GPR143: variants seen among roughly 807,000 people sequenced by gnomAD.
The protein encoded by GPR143 is G protein-coupled receptor 143.
In GPR143, 8 loss-of-function variants were observed where a neutral mutation model predicts 27.6. The ratio of observed to expected loss-of-function variants is 0.29; its 90% CI spans 0.17 to 0.52. GPR143 has a LOEUF of 0.52. Ranked by LOEUF, GPR143 falls within the 20% of genes least tolerant of loss-of-function variation. The pLI, the probability that GPR143 is intolerant of heterozygous loss-of-function variation, is 0.96. For missense variants in GPR143, 303 were observed against 343.1 expected (o/e 0.88, Z 0.92); for synonymous variants, 156 against 153.2 (o/e 1.02, Z -0.13).
At chrX:9,765,862 G>T, upstream of GPR143, 1 of 1,025,098 alleles carries the variant, frequency 9.8e-7, no homozygotes. Context: ...GGACCCCGCC[G>T]GCCTGCCTGG....
chrX:9,756,487 G>A (rs1435199231), intron 3 of GPR143, among the ~76,000 whole-genome samples: 1 of 112,276 alleles, frequency 8.9e-6, no homozygotes, highest in African/African-American at 3.2e-5. Flanking sequence ...TGTGAATCAC[G>A]TATGTAATAT....
At chrX:9,743,795 G>C in intron 5 of GPR143, 122 bp from the exon 6 acceptor site, 1 of 534,250 alleles carries the variant, frequency 1.9e-6, no homozygotes, top group East Asian at 3.4e-5. Flanking sequence ...AGCAAAGCAA[G>C]TCACTGACAT....
intron 5 of GPR143, 74 bp from the exon 6 acceptor site, chrX:9,743,747 G>A: frequency 1.5e-6 from 1 of 648,679 alleles, no homozygotes. Context: ...GGCAATGGAA[G>A]CAGGTGTGAG....
Position 9,765,756 on chromosome X carries a change from A to G in GPR143, c.62T>C (p.Val21Ala). 1 of 1,124,748 alleles carries G rather than the reference A, an allele frequency of 8.9e-7. No individual in the cohort carries two copies. Among genetic ancestry groups the G allele is most frequent in the Non-Finnish European group, 1.2e-6 (1 of 857,224 alleles). The allele number at this position is 1,124,748 out of a possible 1,213,427, so 92.7% of individuals were successfully genotyped here. The change falls in exon 1 of 9, where the codon GTG becomes GCG. Residue 21 changes from valine to alanine, a missense_variant. Val to Ala is a moderately conservative substitution (Grantham distance 64, BLOSUM62 0). Transcript: ENST00000467482. Reference protein sequence around the residue: ...CPTRDAATQLVLSFQPRAFHA... With the variant: ...CPTRDAATQLALSFQPRAFHA... ...GAAGGCCCGCGGCTGGAAGCTCAGC[A>G]CGAGCTGCGTGGCTGCGTCCCGCGT...
Position 9,765,820 on chromosome X carries a change from G to A in GPR143, c.-3C>T, listed in dbSNP as rs1219690678. 10 of 1,101,941 alleles carry A rather than the reference G, an allele frequency of 9.1e-6. No homozygotes were observed. The highest frequency in any genetic ancestry group is 1.2e-5 in the Non-Finnish European group (10 of 844,957). The allele number at this position is 1,101,941 out of a possible 1,213,427, so 90.8% of individuals were successfully genotyped here. On this transcript the variant is annotated 5_prime_UTR_variant, in exon 1 of 9. Transcript: ENST00000467482. Reference sequence around the variant, plus strand: ...GTCCCTAGGCGCGGGGAGGCCATGGGCTGTGTTCGCGGACGCGGCTCGGGT... The same window carrying A: ...GTCCCTAGGCGCGGGGAGGCCATGGACTGTGTTCGCGGACGCGGCTCGGGT...
intron 1 of GPR143, among the ~76,000 whole-genome samples, chrX:9,777,576 T>C (rs1282710412): frequency 9.0e-6 from 1 of 111,481 alleles, no homozygotes; most frequent in African/African-American, 3.3e-5. Context: ...TAAAGTTTTA[T>C]TGACACAATG....
chrX:9,774,192 G>A (rs2083563840), intron 1 of GPR143, among the ~76,000 whole-genome samples: 2 of 112,040 alleles, frequency 1.8e-5, no homozygotes, highest in South Asian at 7.4e-4. Context: ...TGTCCCGAAT[G>A]TATAGATGTT....
intron 1 of GPR143, among the ~76,000 whole-genome samples, chrX:9,762,333 T>C (rs920914557): frequency 3.7e-5 from 4 of 109,334 alleles, no homozygotes; most frequent in African/African-American, 1.3e-4. Context: ...GAGGTTGCAG[T>C]GAGCCAAGAC....
intron 2 of GPR143, among the ~76,000 whole-genome samples, chrX:9,760,196 A>G (rs2083490237): frequency 9.0e-6 from 1 of 111,101 alleles, no homozygotes. Context: ...GGTTGAAGCA[A>G]TTCTCCTGTC....
At chrX:9,741,859 C>T (rs1601876389) in intron 6 of GPR143, among the ~76,000 whole-genome samples, 1 of 111,776 alleles carries the variant, frequency 8.9e-6, no homozygotes, top group East Asian at 2.8e-4. Flanking sequence ...TGCCACTGCA[C>T]TCCAGCCTGG....
intron 6 of GPR143, 63 bp downstream of exon 6, chrX:9,743,502 C>T (rs1601877345): frequency 1.6e-6 from 1 of 640,890 alleles, no homozygotes; most frequent in Non-Finnish European, 2.7e-6. Flanking sequence ...TGCAACATGG[C>T]AAGTTGTTTC....
intron 8 of GPR143, among the ~76,000 whole-genome samples, chrX:9,737,477 T>A (rs1471142394): frequency 8.9e-6 from 1 of 111,877 alleles, no homozygotes; most frequent in Non-Finnish European, 1.9e-5. Flanking sequence ...GGACGAATAT[T>A]ACACAATGCC....
At chrX:9,774,213 C>T (rs2083563907) in intron 1 of GPR143, among the ~76,000 whole-genome samples, 1 of 112,280 alleles carries the variant, frequency 8.9e-6, no homozygotes, top group Non-Finnish European at 1.9e-5. Context: ...CTTGAATATC[C>T]TATCTCCTAC....
chrX:9,726,900 C>T (rs1293807449), intron 8 of GPR143, among the ~76,000 whole-genome samples: 1 of 112,595 alleles, frequency 8.9e-6, no homozygotes, highest in African/African-American at 3.2e-5. Flanking sequence ...AGACACAATA[C>T]AAAGAGGGAG....
At chrX:9,728,602 G>A (rs1425173194) in intron 8 of GPR143, among the ~76,000 whole-genome samples, 1 of 82,361 alleles carries the variant, frequency 1.2e-5, no homozygotes, top group Non-Finnish European at 2.2e-5. Context: ...GAGTGCTTGA[G>A]TGTGAGACCA....
chrX:9,765,178 G>A (rs1445779752), intron 1 of GPR143, among the ~76,000 whole-genome samples: 1 of 112,657 alleles, frequency 8.9e-6, no homozygotes, highest in Non-Finnish European at 1.9e-5. Flanking sequence ...CAACCCGAGT[G>A]GATCGAGTTC....
Position 9,759,385 on chromosome X carries a change from C to T in GPR143, c.402G>A (p.Leu134=), listed in dbSNP as rs2083486361. Residue 134 remains leucine, a synonymous_variant, in exon 3 of 9, where the codon CTG becomes CTA. Coordinates refer to ENST00000467482, the MANE Select transcript of GPR143 (RefSeq NM_000273.3). Reference sequence around the variant, plus strand: ...GATAAGCATCCACTGCATAGCAAAACAGCCACCAGAAGCAGGCACTGTACA... The same window carrying T: ...GATAAGCATCCACTGCATAGCAAAATAGCCACCAGAAGCAGGCACTGTACA... ...QLLYSACFWW[L]FCYAVDAYLV... 8.3e-7 allele frequency: 1 copy of T among 1,199,394 alleles called. No homozygotes were observed. Among genetic ancestry groups the T allele is most frequent in the South Asian group, 1.8e-5 (1 of 55,506 alleles).
chrX:9,766,358 T>A (rs959055968), upstream of GPR143, among the ~76,000 whole-genome samples: 13 of 112,073 alleles, frequency 1.2e-4, no homozygotes, highest in African/African-American at 4.2e-4. Flanking sequence ...TGCTTTTTTT[T>A]ATGGCCTCTC....
intron 7 of GPR143, chrX:9,740,937 C>T (rs1413731333): frequency 3.4e-6 from 1 of 294,296 alleles, no homozygotes; most frequent in Non-Finnish European, 5.9e-6. Flanking sequence ...ACTGTTTGAC[C>T]AGAGTTGAAG....
Sources: allele counts gnomAD v4.1 joint callset (sites outside exome capture counted in the v4.1 genomes callset), GRCh38; gene constraint gnomAD v4.1.1; transcripts MANE v1.5; gene names NCBI Gene and HGNC (gene_info 2026-07-23, HGNC 2026-07-21).